Variants in TMEM178B observed in about 807,000 individuals in gnomAD.
TMEM178B encodes transmembrane protein 178B.
A neutral mutation model predicts 31.0 loss-of-function variants in TMEM178B; 5 were observed. The observed-to-expected ratio is 0.16, with a 90% CI of 0.08 to 0.34. The LOEUF (loss-of-function observed/expected upper bound fraction) is 0.34, where lower values mean the gene tolerates loss of function less well. Ranked by LOEUF, TMEM178B falls within the 10% of genes least tolerant of loss-of-function variation. The pLI is 1.00. For missense variants in TMEM178B, 275 were observed against 400.3 expected (o/e 0.69, Z 2.67); for synonymous variants, 164 against 164.0 (o/e 1.00, Z 0.00).
chr7:141,100,658 CTT>C (rs1304983915), intron 1 of TMEM178B, among the ~76,000 whole-genome samples: 5 of 152,124 alleles, frequency 3.3e-5, no homozygotes, highest in Non-Finnish European at 5.9e-5. Flanking sequence ...TTTTTAGACT[CTT>C]TGCTCTGAGG....
intron 2 of TMEM178B, among the ~76,000 whole-genome samples, chr7:141,393,762 T>C (rs1302159112): frequency 6.6e-6 from 1 of 152,230 alleles, no homozygotes; most frequent in Non-Finnish European, 1.5e-5. Flanking sequence ...ACCCTTGCTT[T>C]CCTTCAGGGA....
chr7:141,262,947 T>C (rs1194894587), intron 2 of TMEM178B, among the ~76,000 whole-genome samples: 1 of 152,160 alleles, frequency 6.6e-6, no homozygotes, highest in African/African-American at 2.4e-5. Flanking sequence ...ACCACCAAAA[T>C]GCATTTTCTT....
chr7:141,402,233 A>G (rs563195734), intron 2 of TMEM178B, among the ~76,000 whole-genome samples: 1 of 152,172 alleles, frequency 6.6e-6, no homozygotes, highest in African/African-American at 2.4e-5. Context: ...AGAAAAATCC[A>G]TTCCAGCATG....
chr7:141,144,046 G>A (rs1795815022), intron 1 of TMEM178B, among the ~76,000 whole-genome samples: 2 of 152,152 alleles, frequency 1.3e-5, no homozygotes, highest in Admixed American at 1.3e-4. Context: ...GTCTAGAAAT[G>A]ACATGGATTT....
chr7:141,432,126 T>C (rs560424787), intron 2 of TMEM178B, among the ~76,000 whole-genome samples: 1 of 150,404 alleles, frequency 6.6e-6, no homozygotes, highest in South Asian at 2.1e-4. Context: ...TTTTCTTTCT[T>C]TTTCTCTCCT....
chr7:141,092,947 A>AT (rs1794903401), intron 1 of TMEM178B, among the ~76,000 whole-genome samples: 1 of 152,156 alleles, frequency 6.6e-6, no homozygotes. Context: ...ATGTCAGAGA[A>AT]TGGTGGCATG....
intron 1 of TMEM178B, among the ~76,000 whole-genome samples, chr7:141,115,904 C>T (rs1364009144): frequency 1.3e-5 from 2 of 152,090 alleles, no homozygotes; most frequent in Non-Finnish European, 2.9e-5. Flanking sequence ...GTACTTAAAG[C>T]TCTCATATAT....
chr7:141,241,754 A>G (rs1487631716), intron 2 of TMEM178B, among the ~76,000 whole-genome samples: 2 of 152,200 alleles, frequency 1.3e-5, no homozygotes, highest in Non-Finnish European at 2.9e-5. Context: ...CACATGAACT[A>G]CATACCTAAT....
At chr7:141,340,311 G>A (rs1315740966) in intron 2 of TMEM178B, among the ~76,000 whole-genome samples, 1 of 152,108 alleles carries the variant, frequency 6.6e-6, no homozygotes, top group African/African-American at 2.4e-5. Context: ...TAAGATAATC[G>A]GTTTGTGTTG....
At chr7:141,488,612 G>A in the TMEM178B span, among the ~76,000 whole-genome samples, 43 of 151,912 alleles carry the variant, frequency 2.8e-4, no homozygotes, top group Non-Finnish European at 5.4e-4. Flanking sequence ...GCTAATTGTT[G>A]CATTTTTAGT....
At chr7:141,135,135 G>T (rs1795655734) in intron 1 of TMEM178B, among the ~76,000 whole-genome samples, 1 of 152,052 alleles carries the variant, frequency 6.6e-6, no homozygotes, top group African/African-American at 2.4e-5. Flanking sequence ...AGACAAAGAA[G>T]GTCATTATAT....
intron 1 of TMEM178B, among the ~76,000 whole-genome samples, chr7:141,099,262 G>C (rs1162329356): frequency 6.6e-6 from 1 of 152,052 alleles, no homozygotes. Context: ...TCAATTCCTG[G>C]CCCTTCCCAG....
chr7:141,326,200 C>T (rs1799186990), intron 2 of TMEM178B, among the ~76,000 whole-genome samples: 1 of 152,152 alleles, frequency 6.6e-6, no homozygotes, highest in African/African-American at 2.4e-5. Context: ...GGTTAAAAAT[C>T]TCCTGAGTAG....
At chr7:141,241,169 T>TC (rs1797612249) in intron 2 of TMEM178B, among the ~76,000 whole-genome samples, 1 of 151,074 alleles carries the variant, frequency 6.6e-6, no homozygotes, top group African/African-American at 2.4e-5. Flanking sequence ...CCTAGCCCCC[T>TC]CCCATCCTCC....
chr7:141,354,746 C>T (rs1389424183), intron 2 of TMEM178B, among the ~76,000 whole-genome samples: 1 of 152,154 alleles, frequency 6.6e-6, no homozygotes, highest in African/African-American at 2.4e-5. Context: ...TTGTTCACTC[C>T]CTTTAGTTCC....
At chr7:141,401,984 A>G (rs985905781) in intron 2 of TMEM178B, among the ~76,000 whole-genome samples, 1 of 152,174 alleles carries the variant, frequency 6.6e-6, no homozygotes. Flanking sequence ...ATCCTGCACG[A>G]TTGTTTCTAA....
intron 2 of TMEM178B, among the ~76,000 whole-genome samples, chr7:141,257,528 G>GAAGTTTT (rs1457886245): frequency 6.6e-6 from 1 of 152,162 alleles, no homozygotes; most frequent in South Asian, 2.1e-4. Context: ...AATGACCATT[G>GAAGTTTT]AAGTTTTAAA....
At chr7:141,203,881 C>T (rs561088292) in intron 1 of TMEM178B, among the ~76,000 whole-genome samples, 161 of 152,320 alleles carry the variant, frequency 1.1e-3, no homozygotes, top group African/African-American at 3.8e-3. Context: ...AACACACGGA[C>T]TCTCAGAAGT....
At chr7:141,358,423 A>G (rs1322030136) in intron 2 of TMEM178B, among the ~76,000 whole-genome samples, 1 of 152,078 alleles carries the variant, frequency 6.6e-6, no homozygotes, top group East Asian at 1.9e-4. Flanking sequence ...TCCCCTCAAC[A>G]TCATTTATAA....
Sources: gnomAD v4.1 joint callset for allele counts (sites outside exome capture counted in the v4.1 genomes callset) on GRCh38, gnomAD v4.1.1 for gene constraint, MANE v1.5 for transcripts, NCBI Gene and HGNC (gene_info 2026-07-23, HGNC 2026-07-21) for gene names.